Variants in ATP2B1 observed in about 807,000 individuals in gnomAD.
ATP2B1 encodes the protein plasma membrane calcium-transporting ATPase 1.
In ATP2B1, 14 loss-of-function variants were observed where a neutral mutation model predicts 124.2. The observed-to-expected ratio is 0.11, with a 90% CI of 0.07 to 0.18. ATP2B1 has a LOEUF of 0.18. Among genes scored for constraint, ATP2B1 ranks in the 10% least tolerant of loss-of-function variants. ATP2B1 has a pLI of 1.00. For synonymous variants in ATP2B1, 449 were observed against 492.4 expected (o/e 0.91, Z 1.17); for missense variants, 763 against 1,466.1 (o/e 0.52, Z 7.83).
intron 1 of ATP2B1, among the ~76,000 whole-genome samples, chr12:89,680,959 T>C (rs1889275272): frequency 6.6e-6 from 1 of 152,130 alleles, no homozygotes; most frequent in Non-Finnish European, 1.5e-5. Flanking sequence ...CTTCAAGCAT[T>C]AAGTATACAA....
At chr12:89,597,408 G>A (rs985380298) in intron 20 of ATP2B1, among the ~76,000 whole-genome samples, 12 of 152,096 alleles carry the variant, frequency 7.9e-5, no homozygotes, top group African/African-American at 1.9e-4. Flanking sequence ...CTTATTAGTC[G>A]TAGAGAAGTT....
In ATP2B1 at chr12:89,588,764, T is replaced by C. The variant is rs561721298; in HGVS notation, c.*2220A>G. 1.0e-4 allele frequency: 16 copies of C among 152,702 alleles called. No individual in the cohort carries two copies. Among genetic ancestry groups the C allele is most frequent in the Admixed American group, 1.0e-3 (16 of 15,290 alleles). 9.5% of individuals were successfully genotyped at this position (152,702 alleles called of 1,614,324 possible). A position where few individuals can be genotyped will look rare whatever the true frequency, so the allele number is the denominator to read the frequency against. On this transcript the variant is annotated 3_prime_UTR_variant, in exon 21 of 21. Coordinates refer to ENST00000428670, the MANE Select transcript of ATP2B1 (RefSeq NM_001366521.1). ...CTCAATACAAATCCTCCAAAGCACA[T>C]GCACTTCTAAATCTTTTGGTAATTA...
At position 89,636,991 on chromosome 12, in the gene ATP2B1, A is replaced by G. The variant is rs748350233; in HGVS notation, c.407-1740T>C. ...TTCCTCCCTCTAGCCAGAAGACAGG[A>G]GATTAACTCTGAATTAGAGCAACTC... On this transcript the variant is annotated intron_variant, in intron 3 of 20. Coordinates refer to ENST00000428670, the MANE Select transcript of ATP2B1 (RefSeq NM_001366521.1). Among the ~76,000 whole-genome samples the G allele has an allele frequency of 2.6e-5, 4 of 152,326 alleles. No homozygotes were observed. The East Asian group carries it at 7.7e-4, about 29-fold the overall frequency.
chr12:89,672,583 A>G (rs1287239982), intron 1 of ATP2B1, among the ~76,000 whole-genome samples: 1 of 152,084 alleles, frequency 6.6e-6, no homozygotes, highest in Non-Finnish European at 1.5e-5. Flanking sequence ...TGCCTTGTAC[A>G]CGTCTCTTGC....
In ATP2B1 at chr12:89,611,147, T is replaced by C. The variant is rs17017112; in HGVS notation, c.2247+46A>G. On this transcript the variant is annotated intron_variant, in intron 13 of 20. Coordinates refer to ENST00000428670, the MANE Select transcript of ATP2B1 (RefSeq NM_001366521.1). ...TGTTTGTTGAGTTAAATTCCTAATA[T>C]ATTAAACATCTGTCAACCAAAAACA... 6.7e-3 allele frequency: 10,023 copies of C among 1,489,326 alleles called. 585 individuals are homozygous for C. In the African/African-American group the frequency reaches 0.13, roughly 19 times the overall value. The allele number at this position is 1,489,326 out of a possible 1,614,324, so 92.3% of individuals were successfully genotyped here. A position where few individuals can be genotyped will look rare whatever the true frequency, so the allele number is the denominator to read the frequency against.
At chr12:89,669,990 G>A (rs1887747794) in intron 1 of ATP2B1, among the ~76,000 whole-genome samples, 4 of 152,162 alleles carry the variant, frequency 2.6e-5, no homozygotes, top group Admixed American at 2.6e-4. Flanking sequence ...AAGAAAAGGA[G>A]AGTGACACAC....
At chr12:89,617,333 TG>T (rs1346756479) in intron 11 of ATP2B1, among the ~76,000 whole-genome samples, 1 of 152,144 alleles carries the variant, frequency 6.6e-6, no homozygotes, top group Non-Finnish European at 1.5e-5. Context: ...AATCCCTGGG[TG>T]GCAAAGGAGA....
At chr12:89,642,094 G>T in intron 3 of ATP2B1, 64 bp downstream of exon 3, 2 of 1,449,316 alleles carry the variant, frequency 1.4e-6, no homozygotes, top group Non-Finnish European at 1.9e-6. Context: ...TTATTATTGT[G>T]CATTAACTAA....
intron 1 of ATP2B1, among the ~76,000 whole-genome samples, chr12:89,677,963 TATATATATACAC>T (rs1272087173): frequency 3.8e-4 from 38 of 100,894 alleles, no homozygotes; most frequent in South Asian, 2.2e-3. Flanking sequence ...ATTATATATA[TATATATATACAC>T]ACACACACAC....
At chr12:89,595,008 G>A (rs545521168) in intron 20 of ATP2B1, 1 of 152,008 alleles carries the variant, frequency 6.6e-6, no homozygotes. Flanking sequence ...CCAAAGTTGG[G>A]TACTTGCATA....
chr12:89,672,397 TG>T (rs1190679236), intron 1 of ATP2B1, among the ~76,000 whole-genome samples: 6 of 152,058 alleles, frequency 3.9e-5, no homozygotes, highest in African/African-American at 1.4e-4. Context: ...GAGGCTGCAG[TG>T]AGCTGATATC....
At chr12:89,648,825 T>C (rs1884858070) in intron 2 of ATP2B1, among the ~76,000 whole-genome samples, 1 of 152,266 alleles carries the variant, frequency 6.6e-6, no homozygotes, top group Admixed American at 6.5e-5. Context: ...AGGGTGCAGC[T>C]GTCCTGCTCA....
intron 1 of ATP2B1, among the ~76,000 whole-genome samples, chr12:89,676,964 T>A (rs1286593011): frequency 6.6e-6 from 1 of 152,116 alleles, no homozygotes; most frequent in Non-Finnish European, 1.5e-5. Flanking sequence ...TAGGAACTTG[T>A]ATGCATTATG....
Position 89,624,196 on chromosome 12 carries a change from G to A in ATP2B1, c.1331C>T (p.Ala444Val). 6.2e-7 allele frequency: 1 copy of A among 1,613,960 alleles called. No individual in the cohort carries two copies. Among genetic ancestry groups the A allele is most frequent in the Non-Finnish European group, 8.5e-7 (1 of 1,179,908 alleles). Residue 444 changes from alanine to valine, a missense_variant, in exon 9 of 21, where the codon GCT (alanine) becomes GTT (valine). Coordinates refer to ENST00000428670, the MANE Select transcript of ATP2B1 (RefSeq NM_001366521.1). ...TTTTCTACTTACTTTGACTGAATAA[G>A]CCAGTGAGATCGTGACTGCAAGTGG... ...GLPLAVTISLAYSVKKMMKDN... is the reference protein window; with the variant it reads ...GLPLAVTISLVYSVKKMMKDN...
intron 15 of ATP2B1, among the ~76,000 whole-genome samples, chr12:89,609,289 C>G (rs944608100): frequency 6.6e-6 from 1 of 152,134 alleles, no homozygotes; most frequent in Non-Finnish European, 1.5e-5. Context: ...GGACAAATAA[C>G]AGCCTCACAT....
intron 20 of ATP2B1, chr12:89,594,815 C>T (rs1353952842): frequency 2.0e-5 from 3 of 151,894 alleles, no homozygotes; most frequent in Admixed American, 2.0e-4. Context: ...CTGCCTAAAA[C>T]ATTGTACAGA....
intron 5 of ATP2B1, among the ~76,000 whole-genome samples, chr12:89,633,572 A>AT (rs200720715): frequency 6.6e-6 from 1 of 151,216 alleles, no homozygotes; most frequent in Non-Finnish European, 1.5e-5. Flanking sequence ...AATTACTCTG[A>AT]TTTTTTTGCA....
rs1440908849 is a variant in ATP2B1, at chr12:89,620,018, A to G, written c.1810T>C (p.Ser604Pro). The G allele has an allele frequency of 6.2e-7, 1 of 1,614,018 alleles. No individual in the cohort carries two copies. The highest frequency in any genetic ancestry group is 2.2e-5 in the East Asian group (1 of 44,852). The change falls in exon 11 of 21, where the codon TCT becomes CCT. Residue 604 changes from serine to proline, a missense_variant. By Grantham distance (74) the Ser-to-Pro change is moderately conservative. This residue lies in a region of ATP2B1 where 392 missense variants were observed against 776.6 expected (regional missense o/e 0.50). Coordinates refer to ENST00000428670, the MANE Select transcript of ATP2B1 (RefSeq NM_001366521.1). ...TCTTACTTTTTCAGAATTATCTCAG[A>G]TGCACCCTTGCTGAATATTCGATAA... Reference protein sequence around the residue: ...GSYRIFSKGASEIILKKCFKI... With the variant: ...GSYRIFSKGAPEIILKKCFKI...
chr12:89,704,496 T>C (rs537186174), intron 1 of ATP2B1, among the ~76,000 whole-genome samples: 1 of 152,134 alleles, frequency 6.6e-6, no homozygotes, highest in Admixed American at 6.5e-5. Context: ...TACATAAACG[T>C]GTATAATGAG....
Sources: allele counts gnomAD v4.1 joint callset (sites outside exome capture counted in the v4.1 genomes callset), GRCh38; gene constraint gnomAD v4.1.1; regional missense constraint gnomAD v4.1.1; transcripts MANE v1.5; gene names NCBI Gene and HGNC (gene_info 2026-07-23, HGNC 2026-07-21).